The following ARB2A variants were observed in gnomAD, a reference collection of about 807,000 sequenced individuals.
ARB2A encodes the protein ARB2 cotranscriptional regulator A.
the ARB2A span, among the ~76,000 whole-genome samples, chr5:93,889,032 G>A: frequency 1.3e-5 from 2 of 151,480 alleles, no homozygotes; most frequent in Non-Finnish European, 3.0e-5. Flanking sequence ...TCATTCAGTA[G>A]AAAATTTTAA....
the ARB2A span, among the ~76,000 whole-genome samples, chr5:93,920,088 T>C: frequency 6.6e-6 from 1 of 152,154 alleles, no homozygotes; most frequent in South Asian, 2.1e-4. Flanking sequence ...TTCTCTGTTG[T>C]TTTATTGAAG....
At chr5:94,050,875 T>G in the ARB2A span, 2 of 1,293,954 alleles carry the variant, frequency 1.5e-6, no homozygotes, top group Non-Finnish European at 2.2e-6. Context: ...CAAAGTATAT[T>G]GACAATAATA....
At chr5:94,047,385 G>C in the ARB2A span, among the ~76,000 whole-genome samples, 47 of 151,938 alleles carry the variant, frequency 3.1e-4, no homozygotes, top group African/African-American at 4.8e-5. Context: ...CCAGCTACTC[G>C]GGAGGCTGAG....
At chr5:93,796,570 T>C in the ARB2A span, among the ~76,000 whole-genome samples, 2 of 152,164 alleles carry the variant, frequency 1.3e-5, no homozygotes. Flanking sequence ...TTGAAAATAT[T>C]TGAACGAGGA....
the ARB2A span, among the ~76,000 whole-genome samples, chr5:93,966,026 T>C: frequency 6.6e-6 from 1 of 152,036 alleles, no homozygotes; most frequent in Non-Finnish European, 1.5e-5. Context: ...TTCAACATAG[T>C]AGTTAAAATT....
chr5:93,647,932 C>T, the ARB2A span, among the ~76,000 whole-genome samples: 1 of 152,078 alleles, frequency 6.6e-6, no homozygotes, highest in Non-Finnish European at 1.5e-5. Flanking sequence ...CATGTGAGCT[C>T]AGGACTTGGA....
the ARB2A span, among the ~76,000 whole-genome samples, chr5:93,685,066 A>G: frequency 1.3e-5 from 2 of 152,226 alleles, no homozygotes; most frequent in Admixed American, 6.5e-5. Context: ...AACAGAAATA[A>G]GTCTCAGGTC....
At chr5:93,948,966 C>G in the ARB2A span, among the ~76,000 whole-genome samples, 1 of 152,052 alleles carries the variant, frequency 6.6e-6, no homozygotes, top group Admixed American at 6.5e-5. Flanking sequence ...TACCTATATC[C>G]AGGACTCTTA....
At chr5:93,783,526 T>C in the ARB2A span, among the ~76,000 whole-genome samples, 3 of 152,092 alleles carry the variant, frequency 2.0e-5, no homozygotes, top group Non-Finnish European at 4.4e-5. Context: ...AGTCCTATGG[T>C]GTCAGCTGAA....
chr5:94,003,554 C>A, the ARB2A span, among the ~76,000 whole-genome samples: 1 of 152,014 alleles, frequency 6.6e-6, no homozygotes, highest in Non-Finnish European at 1.5e-5. Flanking sequence ...AACATCAATT[C>A]TATTTCCATA....
chr5:94,106,717 G>A, the ARB2A span, among the ~76,000 whole-genome samples: 1 of 151,832 alleles, frequency 6.6e-6, no homozygotes, highest in East Asian at 1.9e-4. Context: ...CAAAGACATG[G>A]AATCAACCTA....
chr5:93,953,125 C>A, the ARB2A span, among the ~76,000 whole-genome samples: 1,445 of 152,252 alleles, frequency 9.5e-3, 12 homozygotes, highest in Non-Finnish European at 0.014. Flanking sequence ...GGTCATATAT[C>A]TCTGTTTCTC....
the ARB2A span, among the ~76,000 whole-genome samples, chr5:93,672,434 T>C: frequency 6.6e-6 from 1 of 151,904 alleles, no homozygotes; most frequent in Non-Finnish European, 1.5e-5. Flanking sequence ...CTCAGCCTCC[T>C]GAGTAGCTGG....
chr5:94,048,924 G>A, the ARB2A span, among the ~76,000 whole-genome samples: 9 of 152,242 alleles, frequency 5.9e-5, no homozygotes, highest in Admixed American at 5.9e-4. Flanking sequence ...AGAAATGCAG[G>A]AGATCAAAGA....
the ARB2A span, among the ~76,000 whole-genome samples, chr5:93,774,156 T>C: frequency 1.3e-5 from 2 of 152,288 alleles, no homozygotes; most frequent in South Asian, 2.1e-4. Context: ...GTGAACTTAA[T>C]TGATAAAGGT....
At chr5:93,959,081 T>C in the ARB2A span, 3 of 671,204 alleles carry the variant, frequency 4.5e-6, no homozygotes, top group Non-Finnish European at 6.6e-6. Flanking sequence ...TATAGAATTA[T>C]AGAAGTAAAA....
the ARB2A span, among the ~76,000 whole-genome samples, chr5:93,621,405 G>A: frequency 6.6e-6 from 1 of 152,200 alleles, no homozygotes; most frequent in Admixed American, 6.5e-5. Flanking sequence ...TATCCGCGGC[G>A]TCTAGGCGTC....
At chr5:93,715,790 G>GA in the ARB2A span, among the ~76,000 whole-genome samples, 25 of 146,884 alleles carry the variant, frequency 1.7e-4, no homozygotes, top group African/African-American at 3.2e-4. Flanking sequence ...AGAAAATTTT[G>GA]AAAAAAAAAT....
At chr5:93,963,550 G>T in the ARB2A span, among the ~76,000 whole-genome samples, 1 of 152,000 alleles carries the variant, frequency 6.6e-6, no homozygotes, top group African/African-American at 2.4e-5. Context: ...TATGGAATCA[G>T]TTCTGGAGAG....
Sources: allele counts gnomAD v4.1 joint callset (sites outside exome capture counted in the v4.1 genomes callset), GRCh38; gene constraint gnomAD v4.1.1; transcripts MANE v1.5; gene names NCBI Gene and HGNC (gene_info 2026-07-23, HGNC 2026-07-21).